The following WLS variants were observed in gnomAD, a reference collection of about 807,000 sequenced individuals.
WLS encodes the protein Wnt ligand secretion mediator, also known as protein wntless homolog.
In WLS, 23 loss-of-function variants were observed where a neutral mutation model predicts 62.8. That is an observed-to-expected ratio of 0.37 (90% CI 0.26 to 0.52). The LOEUF (loss-of-function observed/expected upper bound fraction) is 0.52, where lower values mean the gene tolerates loss of function less well. Among genes scored for constraint, WLS ranks in the 20% least tolerant of loss-of-function variants. The pLI is 0.92. For synonymous variants in WLS, 246 were observed against 244.1 expected (o/e 1.01, Z -0.07); for missense variants, 615 against 697.3 (o/e 0.88, Z 1.33).
chr1:68,174,194 C>G (rs934458682), intron 2 of WLS, among the ~76,000 whole-genome samples: 1 of 152,198 alleles, frequency 6.6e-6, no homozygotes, highest in African/African-American at 2.4e-5. Context: ...TGCTGCCAGC[C>G]AGCTAAATGT....
At chr1:68,158,401 A>G (rs934155175) in intron 3 of WLS, among the ~76,000 whole-genome samples, 1 of 152,160 alleles carries the variant, frequency 6.6e-6, no homozygotes, top group African/African-American at 2.4e-5. Flanking sequence ...CTAGTGGCCC[A>G]TCTGGTTAAT....
chr1:68,100,096 T>A (rs1646057456), intron 11 of WLS, among the ~76,000 whole-genome samples: 1 of 152,220 alleles, frequency 6.6e-6, no homozygotes, highest in East Asian at 1.9e-4. Flanking sequence ...GATGTGGAAT[T>A]GAATTACCTA....
At chr1:68,159,005 G>T in intron 3 of WLS, 118 bp downstream of exon 3, 1 of 1,340,692 alleles carries the variant, frequency 7.5e-7, no homozygotes, top group Non-Finnish European at 1.0e-6. Context: ...CCGCAGAGCA[G>T]GTATTACCAA....
At chr1:68,157,507 C>T (rs1646915653) in intron 3 of WLS, among the ~76,000 whole-genome samples, 1 of 152,024 alleles carries the variant, frequency 6.6e-6, no homozygotes, top group Admixed American at 6.6e-5. Context: ...TTCCTTTGCC[C>T]CACCCCCAGT....
intron 11 of WLS, among the ~76,000 whole-genome samples, chr1:68,132,753 C>T (rs771932043): frequency 2.6e-5 from 4 of 152,092 alleles, no homozygotes; most frequent in African/African-American, 7.2e-5. Flanking sequence ...TTAAAACATT[C>T]TGACAAGAAT....
intron 2 of WLS, among the ~76,000 whole-genome samples, chr1:68,186,914 A>G (rs1647979763): frequency 6.6e-6 from 1 of 152,068 alleles, no homozygotes; most frequent in African/African-American, 2.4e-5. Flanking sequence ...AACTTCTCAT[A>G]TAATAGTTAG....
intron 11 of WLS, among the ~76,000 whole-genome samples, chr1:68,101,038 C>T (rs943801216): frequency 6.6e-5 from 10 of 152,132 alleles, no homozygotes; most frequent in African/African-American, 2.4e-4. Context: ...CTGCTTTACC[C>T]CTCTCTCCCT....
intron 2 of WLS, chr1:68,162,773 C>T: frequency 9.2e-7 from 1 of 1,088,928 alleles, no homozygotes; most frequent in Non-Finnish European, 1.4e-6. Flanking sequence ...TTATCGTAGC[C>T]ACTGCCTATC....
intron 10 of WLS, chr1:68,142,774 C>T (rs1426267387): frequency 6.6e-6 from 1 of 152,158 alleles, no homozygotes; most frequent in Non-Finnish European, 1.5e-5. Context: ...CTAACACTCC[C>T]CAGTGGCAGA....
At chr1:68,170,251 C>T (rs541598184) in intron 2 of WLS, among the ~76,000 whole-genome samples, 15 of 146,752 alleles carry the variant, frequency 1.0e-4, no homozygotes, top group East Asian at 2.0e-4. Context: ...CTGCAACCTT[C>T]GCCTCCTGGG....
At chr1:68,113,723 C>T (rs1646256438) in intron 11 of WLS, among the ~76,000 whole-genome samples, 1 of 152,152 alleles carries the variant, frequency 6.6e-6, no homozygotes, top group Non-Finnish European at 1.5e-5. Flanking sequence ...CGTCTCAGGC[C>T]CTTCCCAAGC....
chr1:68,132,235 G>A (rs1049368270), intron 11 of WLS, among the ~76,000 whole-genome samples: 10 of 152,190 alleles, frequency 6.6e-5, no homozygotes, highest in Non-Finnish European at 1.5e-4. Flanking sequence ...TGAGCAAGGG[G>A]TGCCAGGCTG....
At chr1:68,151,427 C>T (rs1045626127) in intron 5 of WLS, among the ~76,000 whole-genome samples, 1 of 152,080 alleles carries the variant, frequency 6.6e-6, no homozygotes, top group African/African-American at 2.4e-5. Context: ...AATGGAGTGA[C>T]ATGATTCATT....
chr1:68,135,734 T>C (rs1646599934), intron 11 of WLS, among the ~76,000 whole-genome samples: 1 of 152,176 alleles, frequency 6.6e-6, no homozygotes, highest in African/African-American at 2.4e-5. Context: ...CATGGTTTCC[T>C]TCAGTGTCCC....
chr1:68,140,436 T>C (rs1268603800), intron 10 of WLS, among the ~76,000 whole-genome samples: 3 of 152,226 alleles, frequency 2.0e-5, no homozygotes, highest in Admixed American at 6.5e-5. Context: ...TGCACACATT[T>C]GTCTATTCAA....
chr1:68,148,700 G>T, intron 6 of WLS, 40 bp from the exon 7 acceptor site: 1 of 1,592,560 alleles, frequency 6.3e-7, no homozygotes, highest in Non-Finnish European at 8.6e-7. Flanking sequence ...AGAGGGGAGA[G>T]GAAGACCAAG....
chr1:68,132,560 AC>A (rs1396650469), intron 11 of WLS, among the ~76,000 whole-genome samples: 1 of 152,192 alleles, frequency 6.6e-6, no homozygotes, highest in Non-Finnish European at 1.5e-5. Flanking sequence ...AACTGACATC[AC>A]ACTGTAGCTA....
chr1:68,102,947 A>AATGAGTG (rs755170902), intron 11 of WLS, among the ~76,000 whole-genome samples: 1 of 152,124 alleles, frequency 6.6e-6, no homozygotes, highest in Non-Finnish European at 1.5e-5. Context: ...CTCATTTAGA[A>AATGAGTG]ACACCTGCAT....
rs112279754 is a variant in WLS at position 68,106,936 on chromosome 1, C to G, written c.1511-8183G>C. On this transcript the variant is annotated intron_variant, in intron 11 of 11. Transcript: ENST00000354777. ...TTAAAAGAACTAAATGTATACCTTA[C>G]TGAAACCAACTAAGTCGGTATGCAT... is the stretch of plus-strand genomic sequence containing the variant. Among the ~76,000 whole-genome samples the G allele has an allele frequency of 9.5e-4, 145 of 152,316 alleles. 1 individual carries two copies. Among genetic ancestry groups the G allele is most frequent in the African/African-American group, 3.4e-3 (140 of 41,558 alleles).
Sources: allele counts gnomAD v4.1 joint callset (sites outside exome capture counted in the v4.1 genomes callset), GRCh38; gene constraint gnomAD v4.1.1; transcripts MANE v1.5; gene names NCBI Gene and HGNC (gene_info 2026-07-23, HGNC 2026-07-21).